IFI35: variants seen among roughly 807,000 people sequenced by gnomAD.
IFI35 encodes the protein interferon induced protein 35.
IFI35 carries 30 observed loss-of-function variants against 28.6 expected under a neutral mutation model. The observed-to-expected ratio is 1.05, with a 90% CI of 0.79 to 1.43. IFI35 has a LOEUF of 1.43. Ranked by LOEUF, IFI35 falls within the 40% of genes most tolerant of loss-of-function variation. The probability of loss-of-function intolerance (pLI) is 0.00; values close to 1 mark genes in which losing one functional copy is unlikely to be tolerated. For missense variants in IFI35, 372 were observed against 356.9 expected, an observed-to-expected ratio of 1.04 and a Z score of -0.34; for synonymous variants, 146 against 154.8, an observed-to-expected ratio of 0.94 and a Z score of 0.42.
In IFI35 at chr17:43,013,829, C is replaced by T. The variant is rs748294501; in HGVS notation, c.616C>T (p.Gln206Ter). Residue 206 changes from glutamine (Q) to a stop codon, truncating the protein, a stop_gained, in exon 6 of 7, where the codon CAA becomes TAA. Coordinates refer to ENST00000415816, the MANE Select transcript of IFI35 (RefSeq NM_001330230.2). LOFTEE classifies it high-confidence loss of function. ...GTTCACAGTGCCACTGGGTGGGCAG[C>T]AAGTCCCTCTGAGAGTCTCTCCGTA... The part of the protein sequence containing the change: ...GQFTVPLGGQ[Q>*]VPLRVSPYVN... 1 of 1,611,812 alleles carries T rather than the reference C, an allele frequency of 6.2e-7. No individual in the cohort carries two copies. The highest frequency in any genetic ancestry group is 8.5e-7 in the Non-Finnish European group (1 of 1,178,938).
intron 5 of IFI35, 57 bp downstream of exon 5, chr17:43,013,719 G>C: frequency 6.2e-7 from 1 of 1,608,908 alleles, no homozygotes; most frequent in Non-Finnish European, 8.5e-7. Context: ...CAAGATTACG[G>C]TGCAGGGAGA....
chr17:43,013,873 G>A lies in IFI35; in HGVS notation c.660G>A (p.Gln220=), dbSNP rs751220759. Residue 220 remains glutamine, a synonymous_variant, in exon 6 of 7, where the codon CAG becomes CAA. Transcript: ENST00000415816. ...RVSPYVNGEI[Q]KAEIRSQPVP... is the part of the protein sequence containing the mutation. The stretch of plus-strand genomic sequence containing the variant: ...CTCCGTATGTGAACGGGGAGATCCA[G>A]AAGGCTGAGGTAAGCAGGAGGGGTG... 2 of 1,592,600 alleles carry A rather than the reference G, an allele frequency of 1.3e-6. No individual in the cohort carries two copies. The highest frequency in any genetic ancestry group is 2.2e-5 in the South Asian group (2 of 89,206).
Position 43,012,176 on chromosome 17 carries a change from C to G in IFI35, c.22-3C>G, listed in dbSNP as rs2050465219. 23 of 1,555,790 alleles carry G rather than the reference C, an allele frequency of 1.5e-5. 2 individuals carry two copies. The East Asian group carries it at 5.5e-4, about 37-fold the overall frequency. On this transcript the variant is annotated splice_polypyrimidine_tract_variant and splice_region_variant and intron_variant, in intron 1 of 6. Coordinates refer to ENST00000415816, the MANE Select transcript of IFI35 (RefSeq NM_001330230.2). Reference sequence around the variant, plus strand: ...GTCTTGTTGTTTCCTTCTGCCCCAACAGGCCCTCCACGCCCTTCAGGAGGA... The same window carrying G: ...GTCTTGTTGTTTCCTTCTGCCCCAAGAGGCCCTCCACGCCCTTCAGGAGGA...
intron 1 of IFI35, among the ~76,000 whole-genome samples, chr17:43,008,148 C>A (rs1408927897): frequency 1.2e-4 from 18 of 149,176 alleles, no homozygotes; most frequent in Non-Finnish European, 2.1e-4. Flanking sequence ...GATTCTCCTG[C>A]CTCAGCCTCC....
chr17:43,012,817 T>C (rs2050473249), intron 2 of IFI35: 1 of 546,128 alleles, frequency 1.8e-6, no homozygotes, highest in South Asian at 2.3e-5. Flanking sequence ...ACCTCCATTA[T>C]GTTACTTGAA....
At position 43,014,161 on chromosome 17, in the gene IFI35, C is replaced by A; in HGVS notation, c.723C>A (p.Ile241=). The change falls in exon 7 of 7, where the codon ATC becomes ATA. Residue 241 remains isoleucine (I), a synonymous_variant. Transcript: ENST00000415816. ...TACTGGTGCTCAACATTCCTGATAT[C>A]TTGGATGGCCCGGAGCTGCATGACG... ...RSVLVLNIPD[I]LDGPELHDVL... is the part of the protein sequence containing the mutation. 6.2e-7 allele frequency: 1 copy of A among 1,614,024 alleles called. No individual in the cohort carries two copies. The highest frequency in any genetic ancestry group is 1.3e-5 in the African/African-American group (1 of 74,932).
chr17:43,012,325 C>A, intron 2 of IFI35, 48 bp downstream of exon 2: 2 of 1,430,340 alleles, frequency 1.4e-6, no homozygotes, highest in Non-Finnish European at 1.9e-6. Context: ...GCTGGCGAGG[C>A]CGGGTGCGGT....
intron 1 of IFI35, among the ~76,000 whole-genome samples, chr17:43,011,150 G>T (rs868028190): frequency 6.6e-6 from 1 of 152,162 alleles, no homozygotes; most frequent in South Asian, 2.1e-4. Context: ...GGTGGGCTCT[G>T]GAGTCAGACA....
chr17:43,012,440 A>G, intron 2 of IFI35, 163 bp downstream of exon 2: 1 of 488,622 alleles, frequency 2.0e-6, no homozygotes, highest in African/African-American at 2.0e-5. Flanking sequence ...TCCCATCTCT[A>G]CTAAAAATAC....
In IFI35 at chr17:43,013,606, T is replaced by C; in HGVS notation, c.506T>C (p.Val169Ala). ...AAGACTAGGAACGGAGGTGGCGATG[T>C]GGACGTTCGGGAGCTACTGCCAGGG... ...FGKTRNGGGD[V>A]DVRELLPGSV... The change falls in exon 5 of 7, where the codon GTG (valine) becomes GCG (alanine). Residue 169 changes from valine (V) to alanine (A), a missense_variant. Val to Ala is a moderately conservative substitution (Grantham distance 64). Coordinates refer to ENST00000415816, the MANE Select transcript of IFI35 (RefSeq NM_001330230.2). The C allele has an allele frequency of 6.2e-7, 1 of 1,614,126 alleles. No individual in the cohort carries two copies. Among genetic ancestry groups the C allele is most frequent in the Non-Finnish European group, 8.5e-7 (1 of 1,180,006 alleles).
At position 43,013,264 on chromosome 17, in the gene IFI35, C is replaced by T. The variant is rs776276033; in HGVS notation, c.269-3C>T. The T allele has an allele frequency of 2.9e-5, 47 of 1,613,988 alleles. No individual in the cohort carries two copies. The highest frequency in any genetic ancestry group is 1.8e-4 in the South Asian group (16 of 91,074). ...AGTACTGACCCTGTTTCCCACCACC[C>T]AGTGGCTGAGCAGGTGCTGCAACAA... On this transcript the variant is annotated splice_polypyrimidine_tract_variant and splice_region_variant and intron_variant, in intron 3 of 6. Coordinates refer to ENST00000415816, the MANE Select transcript of IFI35 (RefSeq NM_001330230.2).
At chr17:43,013,921 A>G (rs2151969683) in intron 6 of IFI35, 39 bp downstream of exon 6, 6 of 1,456,726 alleles carry the variant, frequency 4.1e-6, no homozygotes, top group Middle Eastern at 2.0e-4. Flanking sequence ...TGGGCTGGGT[A>G]ACCTGTCTGC....
intron 5 of IFI35, 26 bp downstream of exon 5, chr17:43,013,688 G>C: frequency 6.2e-7 from 1 of 1,611,562 alleles, no homozygotes; most frequent in East Asian, 2.2e-5. Flanking sequence ...GCCTCCTGCA[G>C]GGGAGAGGGT....
chr17:43,008,963 G>A (rs918032275), intron 1 of IFI35, among the ~76,000 whole-genome samples: 2 of 151,278 alleles, frequency 1.3e-5, no homozygotes, highest in Non-Finnish European at 1.5e-5. Context: ...CTTTATATAC[G>A]TTAAATTGGG....
In IFI35 at chr17:43,013,605, G is replaced by A; in HGVS notation, c.505G>A (p.Val169Met). The change falls in exon 5 of 7, where the codon GTG (valine) becomes ATG (methionine). Residue 169 changes from valine (V) to methionine (M), a missense_variant. By Grantham distance (21) the Val-to-Met change is conservative. Coordinates refer to ENST00000415816, the MANE Select transcript of IFI35 (RefSeq NM_001330230.2). ...CAAGACTAGGAACGGAGGTGGCGATGTGGACGTTCGGGAGCTACTGCCAGG... is the reference window on the plus strand; with the variant it reads ...CAAGACTAGGAACGGAGGTGGCGATATGGACGTTCGGGAGCTACTGCCAGG... ...FGKTRNGGGDVDVRELLPGSV... is the reference protein window; with the variant it reads ...FGKTRNGGGDMDVRELLPGSV... 11 of 1,614,168 alleles carry A rather than the reference G, an allele frequency of 6.8e-6. No individual in the cohort carries two copies. Among genetic ancestry groups the A allele is most frequent in the South Asian group, 1.1e-5 (1 of 91,084 alleles).
chr17:43,012,589 T>C (rs1597780104), intron 2 of IFI35: 1 of 236,432 alleles, frequency 4.2e-6, no homozygotes, highest in East Asian at 1.1e-4. Flanking sequence ...AATACAAAAA[T>C]TAGCTGGGTT....
intron 6 of IFI35, 58 bp from the exon 7 acceptor site, chr17:43,014,049 AC>A (rs935239323): frequency 1.9e-6 from 3 of 1,544,256 alleles, no homozygotes; most frequent in African/African-American, 1.4e-5. Flanking sequence ...TGCCTGCCCT[AC>A]CCCCAGCCCC....
chr17:43,011,899 A>C (rs2050461737), intron 1 of IFI35, among the ~76,000 whole-genome samples: 1 of 152,128 alleles, frequency 6.6e-6, no homozygotes, highest in African/African-American at 2.4e-5. Flanking sequence ...TTCTAGCAGG[A>C]GCTTAATCAG....
chr17:43,007,558 A>G (rs2151967573), intron 1 of IFI35, among the ~76,000 whole-genome samples: 1 of 151,102 alleles, frequency 6.6e-6, no homozygotes, highest in Non-Finnish European at 1.5e-5. Flanking sequence ...GTGTTGGCTC[A>G]CACCTGTAAT....
Sources: allele counts gnomAD v4.1 joint callset (sites outside exome capture counted in the v4.1 genomes callset), GRCh38; gene constraint gnomAD v4.1.1; transcripts MANE v1.5; gene names NCBI Gene and HGNC (gene_info 2026-07-23, HGNC 2026-07-21).